The following PDLIM1 variants were observed in gnomAD, a reference collection of about 807,000 sequenced individuals.
PDLIM1 encodes PDZ and LIM domain protein 1.
In PDLIM1, 25 loss-of-function variants were observed where a neutral mutation model predicts 35.2. That is an observed-to-expected ratio of 0.71 (90% CI 0.52 to 0.99). The LOEUF (loss-of-function observed/expected upper bound fraction) is 0.99, where lower values mean the gene tolerates loss of function less well. PDLIM1 is among the 50% of genes least tolerant of loss of function. PDLIM1 has a pLI of 0.00. For synonymous variants in PDLIM1, 152 were observed against 154.0 expected (o/e 0.99, Z 0.10); for missense variants, 363 against 415.3 (o/e 0.87, Z 1.09).
At chr10:95,264,436 C>T (rs557152629) in intron 3 of PDLIM1, among the ~76,000 whole-genome samples, 103 of 152,260 alleles carry the variant, frequency 6.8e-4, no homozygotes, top group African/African-American at 2.3e-3. Context: ...GATTAAAGCA[C>T]TAGGTGAAGA....
At chr10:95,268,911 T>C (rs2035438538) in intron 2 of PDLIM1, 49 bp from the exon 3 acceptor site, 3 of 1,334,046 alleles carry the variant, frequency 2.2e-6, no homozygotes, top group Middle Eastern at 1.8e-4. Context: ...AAATAAATAA[T>C]ATATACCAAA....
intron 2 of PDLIM1, among the ~76,000 whole-genome samples, chr10:95,270,102 C>T (rs117400691): frequency 0.015 from 2,308 of 151,952 alleles, 26 homozygotes; most frequent in Non-Finnish European, 0.022. Flanking sequence ...TTCAACATGC[C>T]GGTAAACAAA....
At chr10:95,260,960 C>A (rs2035356689) in intron 4 of PDLIM1, among the ~76,000 whole-genome samples, 1 of 152,236 alleles carries the variant, frequency 6.6e-6, no homozygotes, top group Non-Finnish European at 1.5e-5. Context: ...AGTTAGGCAG[C>A]TCCTCTGCCT....
At chr10:95,270,474 A>G (rs1005875223) in intron 2 of PDLIM1, among the ~76,000 whole-genome samples, 1 of 152,236 alleles carries the variant, frequency 6.6e-6, no homozygotes, top group Non-Finnish European at 1.5e-5. Flanking sequence ...AGTAGGAAAC[A>G]GGGAGCCAAC....
At chr10:95,254,819 C>A (rs940811646) in intron 4 of PDLIM1, among the ~76,000 whole-genome samples, 9 of 152,084 alleles carry the variant, frequency 5.9e-5, no homozygotes, top group Non-Finnish European at 1.0e-4. Flanking sequence ...ACTCAGGAAG[C>A]TGAGGTAAGA....
intron 1 of PDLIM1, among the ~76,000 whole-genome samples, chr10:95,289,071 C>A (rs1045175918): frequency 5.3e-5 from 8 of 152,196 alleles, no homozygotes; most frequent in African/African-American, 1.7e-4. Flanking sequence ...TTAAAAGCAG[C>A]TAAAGTGAAA....
chr10:95,278,608 C>G (rs45548436), intron 1 of PDLIM1, among the ~76,000 whole-genome samples: 10,737 of 150,632 alleles, frequency 0.071, 494 homozygotes, highest in Middle Eastern at 0.24. Context: ...AAAGAGCATG[C>G]CAAGTCTCAA....
At chr10:95,282,511 A>C (rs2035569231) in intron 1 of PDLIM1, among the ~76,000 whole-genome samples, 1 of 152,214 alleles carries the variant, frequency 6.6e-6, no homozygotes, top group Non-Finnish European at 1.5e-5. Flanking sequence ...ATGGTGCAAA[A>C]AGAAGTTATT....
At chr10:95,247,511 G>A in intron 4 of PDLIM1, 145 bp from the exon 5 acceptor site, 1 of 628,534 alleles carries the variant, frequency 1.6e-6, no homozygotes. Context: ...CCACAGACCT[G>A]CTGCCAGCAC....
At chr10:95,272,755 C>T (rs1031575623) in intron 1 of PDLIM1, among the ~76,000 whole-genome samples, 7 of 152,074 alleles carry the variant, frequency 4.6e-5, no homozygotes, top group African/African-American at 1.7e-4. Context: ...TAGGTTTATA[C>T]TGGTTTAATC....
At chr10:95,284,034 G>C (rs2035581636) in intron 1 of PDLIM1, among the ~76,000 whole-genome samples, 2 of 151,024 alleles carry the variant, frequency 1.3e-5, no homozygotes, top group Admixed American at 6.6e-5. Flanking sequence ...ATGTCACTGT[G>C]CATAGTTGTA....
At chr10:95,271,820 T>G in intron 1 of PDLIM1, 36 bp from the exon 2 acceptor site, 3 of 1,601,230 alleles carry the variant, frequency 1.9e-6, no homozygotes, top group Middle Eastern at 3.3e-4. Flanking sequence ...AGTTACTATT[T>G]GTCTCCAAAC....
chr10:95,290,745 C>G lies in PDLIM1; in HGVS notation c.96+75G>C. Reference sequence around the variant, plus strand: ...GCGGTTCCGACTCCGTCCCCGACCGCGCCCGCGGGGCCCCAGTCTCCGCAT... The same window carrying G: ...GCGGTTCCGACTCCGTCCCCGACCGGGCCCGCGGGGCCCCAGTCTCCGCAT... On this transcript the variant is annotated intron_variant, in intron 1 of 6. Transcript: ENST00000329399. This position sits in a 1 kb window ranked among gnomAD's most constrained non-coding sequence, Gnocchi z 4.7. 2.8e-6 allele frequency: 3 copies of G among 1,061,130 alleles called. No homozygotes were observed. The highest frequency in any genetic ancestry group is 4.0e-6 in the Non-Finnish European group (3 of 757,360). The allele number at this position is 1,061,130 out of a possible 1,614,324, so 65.7% of individuals were successfully genotyped here.
At chr10:95,241,281 C>A (rs900096068) in intron 5 of PDLIM1, among the ~76,000 whole-genome samples, 1 of 152,190 alleles carries the variant, frequency 6.6e-6, no homozygotes, top group Non-Finnish European at 1.5e-5. Flanking sequence ...GATAGCATCT[C>A]GCTATGTTGT....
At chr10:95,266,273 G>A (rs1308684270) in intron 3 of PDLIM1, among the ~76,000 whole-genome samples, 1 of 152,172 alleles carries the variant, frequency 6.6e-6, no homozygotes, top group East Asian at 1.9e-4. Flanking sequence ...GAGTAGTTAA[G>A]TAAATTTTAT....
intron 2 of PDLIM1, among the ~76,000 whole-genome samples, chr10:95,269,979 T>A (rs1589515817): frequency 6.6e-6 from 1 of 152,058 alleles, no homozygotes; most frequent in African/African-American, 2.4e-5. Context: ...TCAGGTGATC[T>A]ACCCACCTCG....
Position 95,238,049 on chromosome 10 carries a change from C to A in PDLIM1, c.866G>T (p.Cys289Phe). ...GCCCTTCTGTTTCAGGTTGGTGCCA[C>A]AGTCAGTGCACACATAACACTCAGG... ...RHPECYVCTD[C>F]GTNLKQKGHF... The change falls in exon 7 of 7, where the codon TGT (cysteine) becomes TTT (phenylalanine). Residue 289 changes from cysteine to phenylalanine, a missense_variant. Cys to Phe is a radical substitution (Grantham distance 205). Transcript: ENST00000329399. 6.2e-7 allele frequency: 1 copy of A among 1,614,136 alleles called. No individual in the cohort carries two copies. Among genetic ancestry groups the A allele is most frequent in the Non-Finnish European group, 8.5e-7 (1 of 1,179,982 alleles).
chr10:95,278,864 G>A (rs1462692807), intron 1 of PDLIM1, among the ~76,000 whole-genome samples: 5 of 152,124 alleles, frequency 3.3e-5, no homozygotes, highest in Non-Finnish European at 7.4e-5. Flanking sequence ...GGGGTCACCC[G>A]TTTTGGGCCT....
chr10:95,250,484 TC>T (rs1473859273), intron 4 of PDLIM1, among the ~76,000 whole-genome samples: 1 of 152,056 alleles, frequency 6.6e-6, no homozygotes, highest in Non-Finnish European at 1.5e-5. Context: ...AAAAATAACA[TC>T]CTAAGATCCA....
Sources: allele counts gnomAD v4.1 joint callset (sites outside exome capture counted in the v4.1 genomes callset), GRCh38; gene constraint gnomAD v4.1.1; non-coding constraint Gnocchi (gnomAD v3.1); transcripts MANE v1.5; gene names NCBI Gene and HGNC (gene_info 2026-07-23, HGNC 2026-07-21).